The following TNS3 variants were observed in gnomAD, a reference collection of about 807,000 sequenced individuals.
The protein encoded by TNS3 is tensin 3, also known as tensin-3.
A neutral mutation model predicts 140.9 loss-of-function variants in TNS3; 45 were observed. The observed-to-expected ratio is 0.32, with a 90% CI of 0.25 to 0.41. The LOEUF (loss-of-function observed/expected upper bound fraction) is 0.41. Among genes scored for constraint, TNS3 ranks in the 10% least tolerant of loss-of-function variants. The pLI, the probability that TNS3 is intolerant of heterozygous loss-of-function variation, is 1.00. For missense variants in TNS3, 1,716 were observed against 1,906.7 expected, an observed-to-expected ratio of 0.90 and a Z score of 1.86; for synonymous variants, 815 against 788.4, an observed-to-expected ratio of 1.03 and a Z score of -0.56.
intron 8 of TNS3, among the ~76,000 whole-genome samples, chr7:47,431,464 G>A (rs1201667198): frequency 2.6e-5 from 4 of 151,988 alleles, no homozygotes; most frequent in Admixed American, 6.6e-5. Flanking sequence ...GTGGTGGCAC[G>A]TGCCTGTAAT....
At chr7:47,560,014 C>A (rs1800291223) in intron 1 of TNS3, among the ~76,000 whole-genome samples, 1 of 152,166 alleles carries the variant, frequency 6.6e-6, no homozygotes, top group South Asian at 2.1e-4. Context: ...ACCTGCTCCA[C>A]CCCCGCAGGA....
chr7:47,331,816 G>A (rs991804802), intron 20 of TNS3, among the ~76,000 whole-genome samples: 13 of 152,172 alleles, frequency 8.5e-5, no homozygotes, highest in Non-Finnish European at 1.5e-4. Context: ...CATATAACAT[G>A]TCTACATATG....
At chr7:47,392,394 C>T (rs1201920461) in intron 16 of TNS3, among the ~76,000 whole-genome samples, 2 of 152,180 alleles carry the variant, frequency 1.3e-5, no homozygotes, top group Non-Finnish European at 2.9e-5. Flanking sequence ...AAGGCAGCTG[C>T]AGAGGGCTCC....
intron 16 of TNS3, among the ~76,000 whole-genome samples, chr7:47,384,222 C>T (rs570436339): frequency 2.6e-4 from 39 of 152,364 alleles, no homozygotes; most frequent in Non-Finnish European, 1.2e-4. Flanking sequence ...CCCCTCCCCA[C>T]CCACATGGGC....
At chr7:47,491,796 T>C (rs992027529) in intron 3 of TNS3, among the ~76,000 whole-genome samples, 1 of 152,060 alleles carries the variant, frequency 6.6e-6, no homozygotes, top group African/African-American at 2.4e-5. Context: ...CCCAAGACCA[T>C]AGGCCTGAGT....
At chr7:47,576,724 G>A (rs995966318) in intron 1 of TNS3, among the ~76,000 whole-genome samples, 1 of 152,214 alleles carries the variant, frequency 6.6e-6, no homozygotes, top group African/African-American at 2.4e-5. Context: ...GCCCTGCACA[G>A]CCAGATGTGG....
intron 4 of TNS3, among the ~76,000 whole-genome samples, chr7:47,458,326 G>A (rs1796341848): frequency 6.6e-6 from 1 of 152,224 alleles, no homozygotes; most frequent in African/African-American, 2.4e-5. Context: ...CACTAGCTGA[G>A]CACAGGGCAT....
chr7:47,422,374 G>A (rs1339807487), intron 10 of TNS3, among the ~76,000 whole-genome samples: 1 of 152,198 alleles, frequency 6.6e-6, no homozygotes, highest in Non-Finnish European at 1.5e-5. Flanking sequence ...AGCATTTTGG[G>A]AAGCCACAGC....
chr7:47,377,514 G>A (rs538568603), intron 16 of TNS3, among the ~76,000 whole-genome samples: 3 of 152,324 alleles, frequency 2.0e-5, no homozygotes, highest in South Asian at 4.1e-4. Context: ...ATAGTGGTGG[G>A]AGTGTCATGG....
chr7:47,325,805 C>G (rs2041673306), intron 20 of TNS3, among the ~76,000 whole-genome samples: 1 of 152,206 alleles, frequency 6.6e-6, no homozygotes, highest in South Asian at 2.1e-4. Context: ...CACCAGGCTT[C>G]CTGTCCTGAT....
In TNS3 at chr7:47,558,736, C is replaced by T. The variant is rs144347869; in HGVS notation, c.-265+23315G>A. ...CCCTCAGCAGAGGGTCCCAGCTCTGCCTCCCCAGGGTCCCACTCTCCCACA... is the reference window on the plus strand; with the variant it reads ...CCCTCAGCAGAGGGTCCCAGCTCTGTCTCCCCAGGGTCCCACTCTCCCACA... On this transcript the variant is annotated intron_variant, in intron 1 of 30. Coordinates refer to ENST00000311160, the MANE Select transcript of TNS3 (RefSeq NM_022748.12). 3.0e-3 allele frequency among the ~76,000 whole-genome samples: 463 copies of T among 152,272 alleles called. 2 individuals are homozygous for T. The highest frequency in any genetic ancestry group is 0.01 in the Middle Eastern group (3 of 294).
At chr7:47,384,315 CCACTT>C (rs1390258528) in intron 16 of TNS3, among the ~76,000 whole-genome samples, 2 of 152,216 alleles carry the variant, frequency 1.3e-5, no homozygotes, top group African/African-American at 4.8e-5. Context: ...CTCCTGCACT[CCACTT>C]CAGAACACTT....
At chr7:47,306,101 A>G (rs907339110) in intron 20 of TNS3, among the ~76,000 whole-genome samples, 3 of 152,192 alleles carry the variant, frequency 2.0e-5, no homozygotes, top group Non-Finnish European at 4.4e-5. Flanking sequence ...ATAAAACTGA[A>G]TACCAGAATC....
At chr7:47,538,196 C>G (rs1376099239) in intron 1 of TNS3, among the ~76,000 whole-genome samples, 1 of 152,148 alleles carries the variant, frequency 6.6e-6, no homozygotes, top group Admixed American at 6.5e-5. Context: ...AGGCAGATCC[C>G]TCCTTTCAAT....
At chr7:47,326,752 A>T (rs1423857512) in intron 20 of TNS3, among the ~76,000 whole-genome samples, 1 of 152,202 alleles carries the variant, frequency 6.6e-6, no homozygotes, top group Non-Finnish European at 1.5e-5. Context: ...AAAATTACTA[A>T]TGTATATAAA....
intron 1 of TNS3, among the ~76,000 whole-genome samples, chr7:47,544,408 C>T (rs1206585313): frequency 6.6e-6 from 1 of 152,094 alleles, no homozygotes. Flanking sequence ...TCCTCACCCA[C>T]GAGGTGACGA....
At chr7:47,560,265 C>G (rs945166621) in intron 1 of TNS3, among the ~76,000 whole-genome samples, 1 of 151,986 alleles carries the variant, frequency 6.6e-6, no homozygotes, top group Non-Finnish European at 1.5e-5. Context: ...GCTCCCTCAC[C>G]CCTCTACCAT....
intron 16 of TNS3, among the ~76,000 whole-genome samples, chr7:47,389,018 G>GA (rs1185085034): frequency 0.055 from 120 of 2,180 alleles, 3 homozygotes; most frequent in Non-Finnish European, 0.14. Flanking sequence ...AGAAGAAGAA[G>GA]AAGAAGAAGA....
intron 16 of TNS3, among the ~76,000 whole-genome samples, chr7:47,373,511 C>T (rs1584508006): frequency 6.6e-6 from 1 of 152,346 alleles, no homozygotes; most frequent in East Asian, 1.9e-4. Flanking sequence ...CTGCCCTGTT[C>T]CTAGCAGTCC....
Sources: gnomAD v4.1 joint callset for allele counts (sites outside exome capture counted in the v4.1 genomes callset) on GRCh38, gnomAD v4.1.1 for gene constraint, MANE v1.5 for transcripts, NCBI Gene and HGNC (gene_info 2026-07-23, HGNC 2026-07-21) for gene names.